Variants in NEO1 observed in about 807,000 individuals in gnomAD.
NEO1 encodes the protein neogenin.
A neutral mutation model predicts 159.7 loss-of-function variants in NEO1; 63 were observed. The ratio of observed to expected loss-of-function variants is 0.39; its 90% CI spans 0.32 to 0.49. NEO1 has a LOEUF of 0.49. NEO1 is among the 20% of genes least tolerant of loss of function. NEO1 has a pLI of 0.85. For synonymous variants in NEO1, 633 were observed against 662.0 expected (o/e 0.96, Z 0.67); for missense variants, 1,615 against 1,831.0 (o/e 0.88, Z 2.15).
intron 1 of NEO1, among the ~76,000 whole-genome samples, chr15:73,085,263 TA>T (rs1248265503): frequency 2.0e-5 from 3 of 152,078 alleles, no homozygotes; most frequent in Non-Finnish European, 4.4e-5. Flanking sequence ...ATAATGCCTT[TA>T]TCACACAACA....
intron 16 of NEO1, among the ~76,000 whole-genome samples, chr15:73,267,065 T>C (rs941358505): frequency 1.3e-5 from 2 of 152,214 alleles, no homozygotes; most frequent in African/African-American, 2.4e-5. Context: ...GAGACCATCC[T>C]GGCTAACACA....
chr15:73,117,312 G>A (rs553743124), intron 2 of NEO1, among the ~76,000 whole-genome samples: 1 of 152,288 alleles, frequency 6.6e-6, no homozygotes, highest in South Asian at 2.1e-4. Flanking sequence ...TCTACAGAGT[G>A]TATATTAAGG....
chr15:73,084,136 A>G (rs2069222936), intron 1 of NEO1, among the ~76,000 whole-genome samples: 1 of 152,114 alleles, frequency 6.6e-6, no homozygotes, highest in Non-Finnish European at 1.5e-5. Context: ...AATGGTTAAA[A>G]TCTACCCTAG....
intron 7 of NEO1, among the ~76,000 whole-genome samples, chr15:73,225,270 T>A (rs2150783469): frequency 6.6e-6 from 1 of 152,296 alleles, no homozygotes; most frequent in East Asian, 1.9e-4. Context: ...TCTATTTTTG[T>A]GCTGGTTGCC....
chr15:73,274,795 T>TA, intron 21 of NEO1, 71 bp downstream of exon 21: 36 of 1,415,338 alleles, frequency 2.5e-5, no homozygotes, highest in Non-Finnish European at 3.5e-5. Context: ...GGTTTTTGTT[T>TA]CTTTTTTTTT....
chr15:73,259,965 G>A (rs921075628), intron 14 of NEO1, among the ~76,000 whole-genome samples: 1 of 152,110 alleles, frequency 6.6e-6, no homozygotes, highest in African/African-American at 2.4e-5. Context: ...ACTATTGAAA[G>A]GCAATTTATT....
intron 7 of NEO1, among the ~76,000 whole-genome samples, chr15:73,191,834 A>T (rs1364290791): frequency 6.6e-6 from 1 of 152,202 alleles, no homozygotes; most frequent in East Asian, 1.9e-4. Context: ...GACTGAAATA[A>T]AAGTAAATTT....
In NEO1 at chr15:73,091,554, ATTGT is replaced by A. The variant is rs202241571; in HGVS notation, c.131-24967_131-24964del. Among the ~76,000 whole-genome samples, 587 of 151,544 alleles carry A rather than the reference ATTGT, an allele frequency of 3.9e-3. 6 individuals carry two copies. Among genetic ancestry groups the A allele is most frequent in the African/African-American group, 0.013 (528 of 41,340 alleles). ...GAACTGTATTCGTTTTGTTGTTGTT[ATTGT>A]TTGTTTGTTTGTTTGTTTTTCTGAG... On this transcript the variant is annotated intron_variant, in intron 1 of 28. Transcript: ENST00000261908.
Position 73,243,214 on chromosome 15 carries a change from A to C in NEO1, c.1452-1130A>C, listed in dbSNP as rs529663212. ...TATTGTTGGATTTTTTAATTAAAAT[A>C]AAGTAACTTAAAAGAACTATAGAAA... On this transcript the variant is annotated intron_variant, in intron 8 of 28. Transcript: ENST00000261908. Among the ~76,000 whole-genome samples the C allele has an allele frequency of 2.3e-4, 9 of 39,952 alleles. No individual in the cohort carries two copies. In the South Asian group the frequency reaches 6.6e-3, roughly 29 times the overall value. The allele number at this position is 39,952 out of a possible 152,430, so 26.2% of individuals were successfully genotyped here. A position where few individuals can be genotyped will look rare whatever the true frequency, so the allele number is the denominator to read the frequency against.
chr15:73,147,804 A>G (rs2033034445), intron 5 of NEO1, among the ~76,000 whole-genome samples: 1 of 131,676 alleles, frequency 7.6e-6, no homozygotes, highest in South Asian at 2.4e-4. Flanking sequence ...ATTCAGTTTT[A>G]TTGGTGGAAT....
chr15:73,152,011 G>A (rs1332548192), intron 5 of NEO1, among the ~76,000 whole-genome samples: 1 of 152,118 alleles, frequency 6.6e-6, no homozygotes, highest in East Asian at 1.9e-4. Context: ...TATTGTATTA[G>A]TCAGGGTTAT....
intron 5 of NEO1, among the ~76,000 whole-genome samples, chr15:73,153,878 A>T (rs1239020165): frequency 6.6e-6 from 1 of 152,182 alleles, no homozygotes; most frequent in Non-Finnish European, 1.5e-5. Flanking sequence ...CTTATCAAAA[A>T]TAGTTGTTCC....
At chr15:73,217,898 C>G (rs1212784062) in intron 7 of NEO1, among the ~76,000 whole-genome samples, 2 of 152,114 alleles carry the variant, frequency 1.3e-5, no homozygotes, top group Non-Finnish European at 2.9e-5. Flanking sequence ...TTCCTCTTTT[C>G]CTGATTGAAT....
At chr15:73,117,711 T>G (rs1438345180) in intron 2 of NEO1, among the ~76,000 whole-genome samples, 1 of 152,194 alleles carries the variant, frequency 6.6e-6, no homozygotes, top group East Asian at 1.9e-4. Flanking sequence ...CAGAGCATAA[T>G]GGCTGGTTTT....
At chr15:73,090,818 A>G (rs1038732323) in intron 1 of NEO1, among the ~76,000 whole-genome samples, 1 of 152,178 alleles carries the variant, frequency 6.6e-6, no homozygotes, top group Non-Finnish European at 1.5e-5. Context: ...ATAGTTTCAT[A>G]TTATTTTAAA....
chr15:73,163,539 A>C (rs1048377056), intron 5 of NEO1, among the ~76,000 whole-genome samples: 7 of 152,120 alleles, frequency 4.6e-5, no homozygotes, highest in Non-Finnish European at 1.0e-4. Context: ...GCTTTTTGTC[A>C]TTACTGTATT....
chr15:73,061,449 G>A (rs2067974443), intron 1 of NEO1, among the ~76,000 whole-genome samples: 1 of 152,148 alleles, frequency 6.6e-6, no homozygotes, highest in Non-Finnish European at 1.5e-5. Context: ...CCTCAAATTA[G>A]TAAGGGTTCA....
At chr15:73,138,467 G>T (rs752960563) in intron 5 of NEO1, among the ~76,000 whole-genome samples, 1 of 152,158 alleles carries the variant, frequency 6.6e-6, no homozygotes, top group Non-Finnish European at 1.5e-5. Flanking sequence ...TAAAACAAAG[G>T]GGGAGTTGGC....
At position 73,298,570 on chromosome 15, in the gene NEO1, A is replaced by G. The variant is rs781340504; in HGVS notation, c.4124A>G (p.Tyr1375Cys). The G allele has an allele frequency of 3.0e-5, 49 of 1,614,150 alleles. 2 individuals are homozygous for G. The South Asian group carries it at 4.4e-4, about 14-fold the overall frequency. ...ATCCCGCCTCCAGGACCTCCCACCT[A>G]TGATCCTGCATTGCCAAGCACACCA... The part of the protein sequence containing the change: ...PAIPPPGPPT[Y>C]DPALPSTPLL... Residue 1375 changes from tyrosine to cysteine, a missense_variant, in exon 27 of 29, where the codon TAT becomes TGT. This residue lies in a region of NEO1 where 471 missense variants were observed against 498.9 expected (regional missense o/e 0.94). Coordinates refer to ENST00000261908, the MANE Select transcript of NEO1 (RefSeq NM_002499.4).
Sources: allele counts gnomAD v4.1 joint callset (sites outside exome capture counted in the v4.1 genomes callset), GRCh38; gene constraint gnomAD v4.1.1; regional missense constraint gnomAD v4.1.1; transcripts MANE v1.5; gene names NCBI Gene and HGNC (gene_info 2026-07-23, HGNC 2026-07-21).